The following POU3F3 variants were observed in gnomAD, a reference collection of about 807,000 sequenced individuals.
The protein encoded by POU3F3 is POU class 3 homeobox 3.
POU3F3 carries 1 observed loss-of-function variant against 8.6 expected under a neutral mutation model. That is an observed-to-expected ratio of 0.12 (90% CI 0.04 to 0.55). The LOEUF is 0.55. Ranked by LOEUF, POU3F3 falls within the 20% of genes least tolerant of loss-of-function variation. The pLI is 0.91. For missense variants in POU3F3, 577 were observed against 690.7 expected (o/e 0.84, Z 1.84); for synonymous variants, 418 against 327.4 (o/e 1.28, Z -2.99).
the POU3F3 span, among the ~76,000 whole-genome samples, chr2:104,907,846 T>C: frequency 1.1e-4 from 16 of 152,218 alleles, no homozygotes; most frequent in African/African-American, 1.4e-4. Context: ...TGACTTGCTA[T>C]TGACTTTAGT....
chr2:104,859,142 T>TC (rs397829938), downstream of POU3F3, among the ~76,000 whole-genome samples: 5 of 151,208 alleles, frequency 3.3e-5, no homozygotes, highest in African/African-American at 4.9e-5. Flanking sequence ...TTGGGTTTTT[T>TC]CCCCCCGTAA....
chr2:104,924,545 G>A, the POU3F3 span, among the ~76,000 whole-genome samples: 1 of 152,142 alleles, frequency 6.6e-6, no homozygotes, highest in Non-Finnish European at 1.5e-5. Flanking sequence ...TTGTCTCCAA[G>A]AAGCATCACA....
the POU3F3 span, among the ~76,000 whole-genome samples, chr2:104,864,981 A>T: frequency 6.6e-6 from 1 of 152,228 alleles, no homozygotes; most frequent in Non-Finnish European, 1.5e-5. Context: ...TGCATTTTAA[A>T]TGTCTTAAGC....
At chr2:104,900,055 G>A in the POU3F3 span, among the ~76,000 whole-genome samples, 564 of 152,358 alleles carry the variant, frequency 3.7e-3, 2 homozygotes, top group African/African-American at 0.013. Context: ...GATGATGTCA[G>A]ATAGTTTGTC....
chr2:104,901,573 C>G, the POU3F3 span, among the ~76,000 whole-genome samples: 5 of 152,112 alleles, frequency 3.3e-5, no homozygotes, highest in East Asian at 9.6e-4. Context: ...AGGTGGAAAC[C>G]AATGCATCAC....
downstream of POU3F3, among the ~76,000 whole-genome samples, chr2:104,862,034 T>C (rs962957204): frequency 6.6e-6 from 1 of 152,232 alleles, no homozygotes; most frequent in African/African-American, 2.4e-5. Context: ...GGGGTACTTG[T>C]GTAATCAGAT....
the POU3F3 span, among the ~76,000 whole-genome samples, chr2:104,886,444 G>C: frequency 2.0e-5 from 3 of 152,112 alleles, no homozygotes. Flanking sequence ...TGTGTAACAG[G>C]CTATACCATG....
At chr2:104,892,098 AC>A in the POU3F3 span, among the ~76,000 whole-genome samples, 1 of 152,138 alleles carries the variant, frequency 6.6e-6, no homozygotes, top group Non-Finnish European at 1.5e-5. Flanking sequence ...TGAGAGGGAG[AC>A]CTGGAGACCT....
the POU3F3 span, among the ~76,000 whole-genome samples, chr2:104,879,522 T>G: frequency 6.6e-6 from 1 of 152,152 alleles, no homozygotes; most frequent in Non-Finnish European, 1.5e-5. Flanking sequence ...TCAGCTAGGT[T>G]AAGAGAAACC....
At chr2:104,864,857 T>C in the POU3F3 span, among the ~76,000 whole-genome samples, 1 of 152,258 alleles carries the variant, frequency 6.6e-6, no homozygotes, top group Admixed American at 6.5e-5. Flanking sequence ...AGAAAAGAAG[T>C]TTGTTAGTTG....
At chr2:104,910,236 G>C in the POU3F3 span, among the ~76,000 whole-genome samples, 1 of 152,130 alleles carries the variant, frequency 6.6e-6, no homozygotes, top group Non-Finnish European at 1.5e-5. Flanking sequence ...TTCAGCCCAT[G>C]TCTTCTTTGG....
rs1309827378 is a variant in POU3F3 at position 104,855,669 on chromosome 2, G to C, written c.159G>C (p.Pro53=). 2 of 1,092,374 alleles carry C rather than the reference G, an allele frequency of 1.8e-6. No individual in the cohort carries two copies. Among genetic ancestry groups the C allele is most frequent in the South Asian group, 2.5e-5 (1 of 40,044 alleles). 67.7% of individuals were successfully genotyped at this position (1,092,374 alleles called of 1,614,324 possible). Residue 53 remains proline (P), a synonymous_variant, in exon 1 of 1, where the codon CCG becomes CCC. Transcript: ENST00000361360. ...GAGGGGGGMQ[P]GSAAVTSGAY... is the part of the protein sequence containing the mutation. ...GGGGCGGGGGCGGCGGCATGCAGCC[G>C]GGCAGCGCCGCCGTGACCTCGGGCG...
chr2:104,891,793 G>A, the POU3F3 span, among the ~76,000 whole-genome samples: 10 of 152,242 alleles, frequency 6.6e-5, no homozygotes, highest in East Asian at 1.5e-3. Context: ...TTTTAAAGGC[G>A]CAGTCTCCCC....
the POU3F3 span, among the ~76,000 whole-genome samples, chr2:104,870,365 T>C: frequency 6.6e-6 from 1 of 152,184 alleles, no homozygotes; most frequent in Non-Finnish European, 1.5e-5. Context: ...TCAAAAAGTA[T>C]CAAAACTTTT....
chr2:104,927,503 C>T, the POU3F3 span, among the ~76,000 whole-genome samples: 1 of 151,774 alleles, frequency 6.6e-6, no homozygotes, highest in Non-Finnish European at 1.5e-5. Flanking sequence ...GCCTCTAATC[C>T]CAGCACTTTG....
chr2:104,900,743 G>T, the POU3F3 span, among the ~76,000 whole-genome samples: 1 of 152,110 alleles, frequency 6.6e-6, no homozygotes, highest in Admixed American at 6.5e-5. Flanking sequence ...TATTTTCCTT[G>T]ACTCACCAGG....
chr2:104,907,527 A>G, the POU3F3 span, among the ~76,000 whole-genome samples: 197 of 152,350 alleles, frequency 1.3e-3, no homozygotes, highest in African/African-American at 4.2e-3. Context: ...GCAGCCTCTC[A>G]AGTGAAAAAG....
chr2:104,893,572 A>G, the POU3F3 span, among the ~76,000 whole-genome samples: 3 of 152,214 alleles, frequency 2.0e-5, no homozygotes, highest in East Asian at 3.9e-4. Context: ...CATTGACTTC[A>G]CTGAGTTGGA....
At chr2:104,881,453 C>T in the POU3F3 span, among the ~76,000 whole-genome samples, 1 of 152,040 alleles carries the variant, frequency 6.6e-6, no homozygotes, top group East Asian at 1.9e-4. Flanking sequence ...GGCATGAGCC[C>T]CCACACCCAT....
Sources: allele counts gnomAD v4.1 joint callset (sites outside exome capture counted in the v4.1 genomes callset), GRCh38; gene constraint gnomAD v4.1.1; transcripts MANE v1.5; gene names NCBI Gene and HGNC (gene_info 2026-07-23, HGNC 2026-07-21).